The following LIN28B variants were observed in gnomAD, a reference collection of about 807,000 sequenced individuals.
LIN28B encodes lin-28 RNA binding posttranscriptional regulator B, also known as protein lin-28 homolog B.
Under a neutral mutation model 21.9 loss-of-function variants are expected in LIN28B, and 5 were observed. That is an observed-to-expected ratio of 0.23 (90% CI 0.12 to 0.48). The LOEUF (loss-of-function observed/expected upper bound fraction) is 0.48, where lower values mean the gene tolerates loss of function less well. LIN28B is among the 20% of genes least tolerant of loss of function. The pLI, the probability that LIN28B is intolerant of heterozygous loss-of-function variation, is 0.98. For synonymous variants in LIN28B, 109 were observed against 111.3 expected (o/e 0.98, Z 0.13); for missense variants, 245 against 310.5 (o/e 0.79, Z 1.58).
At chr6:105,026,230 G>A in intron 2 of LIN28B, 68 bp from the exon 3 acceptor site, 2 of 807,938 alleles carry the variant, frequency 2.5e-6, no homozygotes, top group Non-Finnish European at 3.8e-6. Context: ...AAATTATAGA[G>A]ATAATTTATA....
chr6:105,053,336 A>G (rs1454069862), intron 3 of LIN28B, among the ~76,000 whole-genome samples: 1 of 151,856 alleles, frequency 6.6e-6, no homozygotes. Flanking sequence ...CTATAGTGTT[A>G]ATTAGATAAT....
At chr6:105,063,400 C>T (rs1772159942) in intron 3 of LIN28B, among the ~76,000 whole-genome samples, 1 of 152,150 alleles carries the variant, frequency 6.6e-6, no homozygotes, top group Admixed American at 6.5e-5. Context: ...TTAAGCAAGG[C>T]CGAGAAGGGC....
intron 2 of LIN28B, among the ~76,000 whole-genome samples, chr6:104,993,454 A>G (rs1770535874): frequency 6.6e-6 from 1 of 152,194 alleles, no homozygotes; most frequent in Non-Finnish European, 1.5e-5. Context: ...TGGCAGAACA[A>G]GACCCTTTCT....
At chr6:104,970,157 GT>G (rs993236972) in intron 2 of LIN28B, among the ~76,000 whole-genome samples, 3 of 152,094 alleles carry the variant, frequency 2.0e-5, no homozygotes, top group African/African-American at 7.2e-5. Flanking sequence ...GAATTTTCTA[GT>G]TGTAAAACCT....
At chr6:105,061,361 A>G (rs1265959772) in intron 3 of LIN28B, among the ~76,000 whole-genome samples, 1 of 152,206 alleles carries the variant, frequency 6.6e-6, no homozygotes, top group Non-Finnish European at 1.5e-5. Flanking sequence ...ATTCCAGTAT[A>G]AAAGGAATGG....
rs1225328553 is a variant in LIN28B, at chr6:105,063,897, TATA to T, written c.384-14511_384-14509del. Among the ~76,000 whole-genome samples the T allele has an allele frequency of 6.0e-5, 9 of 149,570 alleles. No homozygotes were observed. In the East Asian group the frequency reaches 1.2e-3, roughly 19 times the overall value. On this transcript the variant is annotated intron_variant, in intron 3 of 3. Coordinates refer to ENST00000345080, the MANE Select transcript of LIN28B (RefSeq NM_001004317.4). Reference sequence around the variant, plus strand: ...AATACGTCTTATTAAATATAATAGTTATAATAATTATTATATTATAATTATTTT... The same window carrying T: ...AATACGTCTTATTAAATATAATAGTTATAATTATTATATTATAATTATTTT...
intron 2 of LIN28B, among the ~76,000 whole-genome samples, chr6:104,961,363 A>G (rs141994866): frequency 6.6e-6 from 1 of 152,248 alleles, no homozygotes; most frequent in Admixed American, 6.5e-5. Context: ...AAATGAAGTA[A>G]GGATATACGT....
rs552977421 is a variant in LIN28B at position 105,050,519 on chromosome 6, G to A, written c.383+24037G>A. Among the ~76,000 whole-genome samples, 52 of 137,752 alleles carry A rather than the reference G, an allele frequency of 3.8e-4. No homozygotes were observed. In the South Asian group the frequency reaches 0.01, roughly 27 times the overall value. 90.4% of individuals were successfully genotyped at this position (137,752 alleles called of 152,430 possible). On this transcript the variant is annotated intron_variant, in intron 3 of 3. Transcript: ENST00000345080. The stretch of plus-strand genomic sequence containing the variant: ...CGGGAGGCTGAGGCAGGAGAATGGC[G>A]TGAACCCGGGAAGCGGAGCTTGCAG...
At chr6:104,993,375 A>G (rs1286848590) in intron 2 of LIN28B, among the ~76,000 whole-genome samples, 3 of 152,174 alleles carry the variant, frequency 2.0e-5, no homozygotes, top group Non-Finnish European at 2.9e-5. Context: ...AGGCTGAGGC[A>G]GGAGATCACT....
intron 3 of LIN28B, among the ~76,000 whole-genome samples, chr6:105,044,398 A>G (rs1372679442): frequency 6.6e-6 from 1 of 152,144 alleles, no homozygotes; most frequent in Non-Finnish European, 1.5e-5. Flanking sequence ...AGATATTATT[A>G]TAGCTATTTT....
chr6:104,978,069 C>T (rs997952334), intron 2 of LIN28B, among the ~76,000 whole-genome samples: 5 of 152,200 alleles, frequency 3.3e-5, no homozygotes, highest in Admixed American at 1.3e-4. Context: ...TATTCCATCC[C>T]CTTCTAATAC....
At chr6:105,014,146 C>G (rs1302852400) in intron 2 of LIN28B, among the ~76,000 whole-genome samples, 2 of 151,922 alleles carry the variant, frequency 1.3e-5, no homozygotes, top group Non-Finnish European at 2.9e-5. Context: ...TTTGAAACCT[C>G]TCTGTTTTAT....
intron 2 of LIN28B, among the ~76,000 whole-genome samples, chr6:104,984,643 C>A (rs893562293): frequency 3.9e-5 from 6 of 152,032 alleles, no homozygotes; most frequent in Non-Finnish European, 8.8e-5. Flanking sequence ...ATTATGTTGA[C>A]CAGGCTGGTC....
Position 104,996,542 on chromosome 6 carries a change from C to G in LIN28B, c.199-29756C>G, listed in dbSNP as rs117392428. ...GAAGAATTTAGCAAAGGCTTAGAGG[C>G]AGAGACAAATGTTGGGTGTTGTTAG... On this transcript the variant is annotated intron_variant, in intron 2 of 3. Transcript: ENST00000345080. 8.1e-4 allele frequency among the ~76,000 whole-genome samples: 124 copies of G among 152,192 alleles called. 1 individual carries two copies. In the East Asian group the frequency reaches 0.019, roughly 24 times the overall value.
chr6:105,032,712 C>G (rs1179588378), intron 3 of LIN28B, among the ~76,000 whole-genome samples: 1 of 151,462 alleles, frequency 6.6e-6, no homozygotes, highest in African/African-American at 2.4e-5. Context: ...ACAGCAAGAC[C>G]CTGCCTCAAA....
rs558084395 is a variant in LIN28B, at chr6:105,063,249, T to C, written c.384-15165T>C. 5.3e-5 allele frequency among the ~76,000 whole-genome samples: 8 copies of C among 152,322 alleles called. No individual in the cohort carries two copies. The South Asian group carries it at 6.2e-4, about 12-fold the overall frequency. On this transcript the variant is annotated intron_variant, in intron 3 of 3. Coordinates refer to ENST00000345080, the MANE Select transcript of LIN28B (RefSeq NM_001004317.4). ...GTATCTTTTTGTATTTATGCTCTTA[T>C]TCATCTTCTCTCTGCCATTATGGAC...
At chr6:104,948,081 G>A (rs368993795) in intron 2 of LIN28B, among the ~76,000 whole-genome samples, 1 of 151,534 alleles carries the variant, frequency 6.6e-6, no homozygotes, top group Non-Finnish European at 1.5e-5. Flanking sequence ...TCGTGTAGGG[G>A]CAAAGAAGTG....
At chr6:105,074,408 C>A (rs1443658661) in intron 3 of LIN28B, among the ~76,000 whole-genome samples, 1 of 152,124 alleles carries the variant, frequency 6.6e-6, no homozygotes, top group Non-Finnish European at 1.5e-5. Context: ...CCATGTTAGC[C>A]AAGATGGTCT....
intron 2 of LIN28B, among the ~76,000 whole-genome samples, chr6:104,938,141 A>G (rs781372390): frequency 6.3e-4 from 95 of 150,610 alleles, no homozygotes; most frequent in Non-Finnish European, 1.1e-3. Flanking sequence ...GCCACTCAGG[A>G]GGTTGAAGAT....
Sources: gnomAD v4.1 joint callset for allele counts (sites outside exome capture counted in the v4.1 genomes callset) on GRCh38, gnomAD v4.1.1 for gene constraint, MANE v1.5 for transcripts, NCBI Gene and HGNC (gene_info 2026-07-23, HGNC 2026-07-21) for gene names.